MAP4K2: variants seen among roughly 807,000 people sequenced by gnomAD.
The protein encoded by MAP4K2 is mitogen-activated protein kinase kinase kinase kinase 2, also known as B lymphocyte serine/threonine protein kinase.
Under a neutral mutation model 125.3 loss-of-function variants are expected in MAP4K2, and 85 were observed. The observed-to-expected ratio is 0.68, with a 90% CI of 0.57 to 0.81. MAP4K2 has a LOEUF of 0.81. Ranked by LOEUF, MAP4K2 falls within the 40% of genes least tolerant of loss-of-function variation. MAP4K2 has a pLI of 0.00. For missense variants in MAP4K2, 923 were observed against 1,056.4 expected (o/e 0.87, Z 1.75); for synonymous variants, 479 against 445.1 (o/e 1.08, Z -0.96).
At chr11:64,798,580 A>G (rs570562740) in intron 15 of MAP4K2, among the ~76,000 whole-genome samples, 9 of 151,868 alleles carry the variant, frequency 5.9e-5, no homozygotes, top group African/African-American at 9.7e-5. Flanking sequence ...GATTACAGGC[A>G]TGAGCCACCC....
chr11:64,795,344 A>G (rs897984751), intron 24 of MAP4K2, among the ~76,000 whole-genome samples: 1 of 151,902 alleles, frequency 6.6e-6, no homozygotes, highest in South Asian at 2.1e-4. Flanking sequence ...GGCCTCTCAA[A>G]GTGCTAGGAT....
rs772310799 is a variant in MAP4K2 at position 64,801,636 on chromosome 11, G to A, written c.415-15C>T. The A allele has an allele frequency of 1.9e-6, 3 of 1,613,848 alleles. No individual in the cohort carries two copies. Among genetic ancestry groups the A allele is most frequent in the East Asian group, 2.2e-5 (1 of 44,880 alleles). On this transcript the variant is annotated splice_polypyrimidine_tract_variant and intron_variant, in intron 6 of 31. Coordinates refer to ENST00000294066, the MANE Select transcript of MAP4K2 (RefSeq NM_004579.5). ...AGGTTGGCTCCCTGTGGGAATGGAG[G>A]AGAGACAATCCCATCTGGTGCCCCC... is the stretch of plus-strand genomic sequence containing the variant.
chr11:64,788,224 A>G lies in MAP4K2; in HGVS notation c.*1313T>C, dbSNP rs969600317. On this transcript the variant is annotated 3_prime_UTR_variant, in exon 32 of 32. Coordinates refer to ENST00000294066, the MANE Select transcript of MAP4K2 (RefSeq NM_004579.5). ...TCTTTATTGCCACCCACCAGGTGCA[A>G]AGGTCTTCCTCCAACACCTGCCTTG... The G allele has an allele frequency of 6.6e-6, 1 of 152,286 alleles. No individual in the cohort carries two copies. The highest frequency in any genetic ancestry group is 1.5e-5 in the Non-Finnish European group (1 of 68,118). 9.4% of individuals were successfully genotyped at this position (152,286 alleles called of 1,614,324 possible). A position where few individuals can be genotyped will look rare whatever the true frequency, so the allele number is the denominator to read the frequency against.
At chr11:64,794,315 G>A (rs1018982962) in intron 24 of MAP4K2, among the ~76,000 whole-genome samples, 21 of 151,862 alleles carry the variant, frequency 1.4e-4, no homozygotes, top group Non-Finnish European at 3.1e-4. Flanking sequence ...AATCCTACTG[G>A]CTCAACTTGC....
Position 64,796,527 on chromosome 11 carries a change from G to A in MAP4K2, c.1599C>T (p.Leu533=), listed in dbSNP as rs150379927. 5 of 1,613,930 alleles carry A rather than the reference G, an allele frequency of 3.1e-6. No individual in the cohort carries two copies. In the Admixed American group the frequency reaches 5.0e-5, roughly 16 times the overall value. ...ACAGCAGCACGTTGTTCACGCAGTA[G>A]AGCCAGGAGCAGCGATGTGAAATCA... ...EKLISHRCSW[L]YCVNNVLLSL... Residue 533 remains leucine (L), a synonymous_variant, in exon 23 of 32, where the codon CTC becomes CTT. Coordinates refer to ENST00000294066, the MANE Select transcript of MAP4K2 (RefSeq NM_004579.5).
chr11:64,797,456 C>G, intron 17 of MAP4K2, 45 bp downstream of exon 17: 1 of 1,557,814 alleles, frequency 6.4e-7, no homozygotes, highest in Non-Finnish European at 8.7e-7. Context: ...ATCGTACCCT[C>G]TGCAGTGGCC....
intron 10 of MAP4K2, 89 bp downstream of exon 10, chr11:64,800,675 G>C (rs1292091422): frequency 6.6e-7 from 1 of 1,514,220 alleles, no homozygotes; most frequent in Non-Finnish European, 8.9e-7. Flanking sequence ...CAGGGCTCTT[G>C]GGGTTGCCCC....
chr11:64,796,566 G>A lies in MAP4K2; in HGVS notation c.1573-13C>T. 4 of 1,613,986 alleles carry A rather than the reference G, an allele frequency of 2.5e-6. No individual in the cohort carries two copies. Among genetic ancestry groups the A allele is most frequent in the African/African-American group, 1.3e-5 (1 of 75,070 alleles). ...GATGTGAAATCAGCTGGAGGCCACAGAGGGACAGATGGTCAGCACCCCAGG... is the reference window on the plus strand; with the variant it reads ...GATGTGAAATCAGCTGGAGGCCACAAAGGGACAGATGGTCAGCACCCCAGG... On this transcript the variant is annotated splice_polypyrimidine_tract_variant and intron_variant, in intron 22 of 31. Transcript: ENST00000294066.
Position 64,796,355 on chromosome 11 carries a change from C to G in MAP4K2, c.1669G>C (p.Gly557Arg). The G allele has an allele frequency of 6.3e-7, 1 of 1,586,524 alleles. No homozygotes were observed. Residue 557 changes from glycine (G) to arginine (R), a missense_variant, in exon 24 of 32, where the codon GGC (glycine) becomes CGC (arginine). Transcript: ENST00000294066. Reference sequence around the variant, plus strand: ...TGTAGCCTCCGCTGCTCAAACAGGCCTGGGAGGTCATGGGCCCAGATGTGC... The same window carrying G: ...TGTAGCCTCCGCTGCTCAAACAGGCGTGGGAGGTCATGGGCCCAGATGTGC... ...STHIWAHDLP[G>R]LFEQRRLQQQ...
chr11:64,800,721 G>C, intron 10 of MAP4K2, 43 bp downstream of exon 10: 2 of 1,566,468 alleles, frequency 1.3e-6, no homozygotes, highest in Non-Finnish European at 1.7e-6. Context: ...CCACTATGGG[G>C]CTGACAGAAA....
rs1940300568 is a variant in MAP4K2, at chr11:64,788,571, T to C, written c.*966A>G. On this transcript the variant is annotated 3_prime_UTR_variant, in exon 32 of 32. Coordinates refer to ENST00000294066, the MANE Select transcript of MAP4K2 (RefSeq NM_004579.5). Reference sequence around the variant, plus strand: ...CCCTCCCTGGGGGCTGGTCTGTTTCTGGTAGTGACCCCAGGGCCTGGCACT... The same window carrying C: ...CCCTCCCTGGGGGCTGGTCTGTTTCCGGTAGTGACCCCAGGGCCTGGCACT... 6.6e-6 allele frequency: 1 copy of C among 152,224 alleles called. No individual in the cohort carries two copies. The highest frequency in any genetic ancestry group is 1.5e-5 in the Non-Finnish European group (1 of 68,076). 9.4% of individuals were successfully genotyped at this position (152,224 alleles called of 1,614,324 possible).
At chr11:64,792,298 G>A (rs1940538451) in intron 25 of MAP4K2, 23 bp from the exon 26 acceptor site, 2 of 1,597,982 alleles carry the variant, frequency 1.3e-6, no homozygotes. Context: ...CAGGCAGTGG[G>A]CACCGGGCTG....
chr11:64,801,716 G>A lies in MAP4K2; in HGVS notation c.408C>T (p.Asp136=), dbSNP rs1459856948. The A allele has an allele frequency of 6.2e-7, 1 of 1,613,894 alleles. No individual in the cohort carries two copies. Among genetic ancestry groups the A allele is most frequent in the South Asian group, 1.1e-5 (1 of 91,080 alleles). ...HLHSQGKIHR[D]IKGANLLLTL... is the part of the protein sequence containing the mutation. Reference sequence around the variant, plus strand: ...CCCCCAGCTAGGTGCCTACCTTGATGTCTCTGTGGATCTTCCCCTGAGAAT... The same window carrying A: ...CCCCCAGCTAGGTGCCTACCTTGATATCTCTGTGGATCTTCCCCTGAGAAT... The change falls in exon 6 of 32, where the codon GAC becomes GAT. Residue 136 remains aspartate, a synonymous_variant. Coordinates refer to ENST00000294066, the MANE Select transcript of MAP4K2 (RefSeq NM_004579.5).
chr11:64,792,389 G>A lies in MAP4K2; in HGVS notation c.1785C>T (p.Thr595=). Residue 595 remains threonine, a synonymous_variant, in exon 25 of 32, where the codon ACC becomes ACT. Coordinates refer to ENST00000294066, the MANE Select transcript of MAP4K2 (RefSeq NM_004579.5). ...RFALSTKIPD[T]KGCLQCRVVR... ...CCACACGACACTGCAAGCAGCCTTT[G>A]GTGTCAGGAATCTTGGTGGACAGAG... 1 of 1,564,684 alleles carries A rather than the reference G, an allele frequency of 6.4e-7. No individual in the cohort carries two copies. Among genetic ancestry groups the A allele is most frequent in the African/African-American group, 1.5e-5 (1 of 66,076 alleles).
chr11:64,792,216 G>A lies in MAP4K2; in HGVS notation c.1870C>T (p.Leu624=), dbSNP rs1940529813. The change falls in exon 26 of 32, where the codon CTG becomes TTG. Residue 624 remains leucine, a synonymous_variant. Transcript: ENST00000294066. ...LLAALPTSLL[L]LQWYEPLQKF... ...TGCAGCGGCTCATACCACTGCAGCA[G>A]GAGCAGGCTGGTGGGCAGGGCGGCC... 1 of 1,612,458 alleles carries A rather than the reference G, an allele frequency of 6.2e-7. No homozygotes were observed. The highest frequency in any genetic ancestry group is 2.2e-5 in the East Asian group (1 of 44,848).
Position 64,798,789 on chromosome 11 carries a change from C to T in MAP4K2, c.1097+5G>A, listed in dbSNP as rs750314916. On this transcript the variant is annotated splice_donor_5th_base_variant and intron_variant, in intron 15 of 31. Coordinates refer to ENST00000294066, the MANE Select transcript of MAP4K2 (RefSeq NM_004579.5). ...CCCCCTGCAGCTTCCCCATACCTCA[C>T]TTACCCACTCAACTCTTCCTTTCCC... The T allele has an allele frequency of 1.2e-6, 2 of 1,612,550 alleles. No homozygotes were observed. Among genetic ancestry groups the T allele is most frequent in the Admixed American group, 3.3e-5 (2 of 59,816 alleles).
At chr11:64,791,110 T>C (rs1249605055) in intron 27 of MAP4K2, among the ~76,000 whole-genome samples, 1 of 152,200 alleles carries the variant, frequency 6.6e-6, no homozygotes, top group African/African-American at 2.4e-5. Context: ...CACTCCAGCC[T>C]GGGCAACAGA....
rs1222284604 is a variant in MAP4K2 at position 64,797,797 on chromosome 11, C to T, written c.1098-133G>A. On this transcript the variant is annotated intron_variant, in intron 15 of 31. Transcript: ENST00000294066. ...CGCGGCTCACTGCAAGCTCCGCCCC[C>T]CAAGTTCACGCCATTCTCCTGCCTC... The T allele has an allele frequency of 9.3e-6, 8 of 864,142 alleles. No homozygotes were observed. The Admixed American group carries it at 2.0e-4, about 21-fold the overall frequency. 53.5% of individuals were successfully genotyped at this position (864,142 alleles called of 1,614,324 possible).
intron 27 of MAP4K2, 67 bp downstream of exon 27, chr11:64,791,842 C>A: frequency 1.4e-6 from 2 of 1,439,830 alleles, no homozygotes; most frequent in Non-Finnish European, 1.8e-6. Flanking sequence ...CTTGGCCCTC[C>A]CTGCCTCCCT....
Sources: gnomAD v4.1 joint callset for allele counts (sites outside exome capture counted in the v4.1 genomes callset) on GRCh38, gnomAD v4.1.1 for gene constraint, MANE v1.5 for transcripts, NCBI Gene and HGNC (gene_info 2026-07-23, HGNC 2026-07-21) for gene names.